Variants in CADM2 observed in about 807,000 individuals in gnomAD.
CADM2 encodes the protein immunoglobulin superfamily member 4D.
A neutral mutation model predicts 49.8 loss-of-function variants in CADM2; 12 were observed. The ratio of observed to expected loss-of-function variants is 0.24; its 90% CI spans 0.15 to 0.39. The LOEUF is 0.39. Among genes scored for constraint, CADM2 ranks in the 10% least tolerant of loss-of-function variants. The pLI, the probability that CADM2 is intolerant of heterozygous loss-of-function variation, is 1.00. For missense variants in CADM2, 378 were observed against 492.3 expected (o/e 0.77, Z 2.20); for synonymous variants, 214 against 175.4 (o/e 1.22, Z -1.74).
chr3:85,167,559 C>T (rs1206455598), intron 1 of CADM2, among the ~76,000 whole-genome samples: 3 of 151,986 alleles, frequency 2.0e-5, no homozygotes, highest in African/African-American at 7.2e-5. Context: ...AGCTGTCTTC[C>T]TTATAAACTA....
intron 1 of CADM2, among the ~76,000 whole-genome samples, chr3:85,463,095 G>A (rs1473834728): frequency 6.6e-6 from 1 of 152,070 alleles, no homozygotes; most frequent in Non-Finnish European, 1.5e-5. Context: ...CTTATACATA[G>A]CAAGTTTAAC....
intron 1 of CADM2, among the ~76,000 whole-genome samples, chr3:85,119,879 T>C (rs1233000171): frequency 6.6e-6 from 1 of 152,134 alleles, no homozygotes; most frequent in Admixed American, 6.6e-5. Context: ...GAAAAGAAAC[T>C]AGCGTCAGAG....
chr3:85,912,553 C>T lies in CADM2; in HGVS notation c.700+10C>T, dbSNP rs950153269. ...GTGCTAGAAATACACTGTAAGTAAACACTACTTCCCCCTCCTTTATCTCAG... is the reference window on the plus strand; with the variant it reads ...GTGCTAGAAATACACTGTAAGTAAATACTACTTCCCCCTCCTTTATCTCAG... On this transcript the variant is annotated intron_variant, in intron 6 of 9. Coordinates refer to ENST00000383699, the MANE Select transcript of CADM2 (RefSeq NM_001167675.2). 1 of 1,606,296 alleles carries T rather than the reference C, an allele frequency of 6.2e-7. No individual in the cohort carries two copies. Among genetic ancestry groups the T allele is most frequent in the Non-Finnish European group, 8.5e-7 (1 of 1,175,308 alleles).
rs369853924 is a variant in CADM2 at position 85,475,368 on chromosome 3, T to C, written c.62-251154T>C. Among the ~76,000 whole-genome samples, 11 of 151,944 alleles carry C rather than the reference T, an allele frequency of 7.2e-5. No homozygotes were observed. The East Asian group carries it at 7.7e-4, about 11-fold the overall frequency. Reference sequence around the variant, plus strand: ...TGTGACTTTACCAATTAGTATAATATGTTGGCTAAACTGTATGCCCAAATA... The same window carrying C: ...TGTGACTTTACCAATTAGTATAATACGTTGGCTAAACTGTATGCCCAAATA... On this transcript the variant is annotated intron_variant, in intron 1 of 9. Coordinates refer to ENST00000383699, the MANE Select transcript of CADM2 (RefSeq NM_001167675.2).
At chr3:85,454,497 C>A (rs986162242) in intron 1 of CADM2, among the ~76,000 whole-genome samples, 4 of 152,034 alleles carry the variant, frequency 2.6e-5, no homozygotes, top group African/African-American at 9.7e-5. Context: ...AAGCTATTAC[C>A]ACTCCTAGGC....
intron 3 of CADM2, among the ~76,000 whole-genome samples, chr3:85,834,517 G>C (rs1442263672): frequency 6.6e-6 from 1 of 151,496 alleles, no homozygotes; most frequent in Non-Finnish European, 1.5e-5. Flanking sequence ...GACTTGTGTT[G>C]TTACAATATA....
chr3:85,080,200 A>T (rs908633229), intron 1 of CADM2, among the ~76,000 whole-genome samples: 1 of 152,008 alleles, frequency 6.6e-6, no homozygotes, highest in Non-Finnish European at 1.5e-5. Flanking sequence ...GGTCAGACCA[A>T]TCTTTACAAC....
intron 5 of CADM2, among the ~76,000 whole-genome samples, chr3:85,892,109 G>A (rs2108420116): frequency 6.6e-6 from 1 of 152,302 alleles, no homozygotes; most frequent in Non-Finnish European, 1.5e-5. Context: ...GAAGTCTGAA[G>A]ACTAGCTTAG....
intron 1 of CADM2, among the ~76,000 whole-genome samples, chr3:85,263,379 C>A (rs895517778): frequency 3.9e-5 from 6 of 152,178 alleles, no homozygotes; most frequent in African/African-American, 1.4e-4. Context: ...AAACACAAAT[C>A]AATAATAAAA....
intron 1 of CADM2, among the ~76,000 whole-genome samples, chr3:85,541,775 T>TTATATATATATATATATA (rs10576590): frequency 2.3e-5 from 2 of 88,320 alleles, no homozygotes; most frequent in African/African-American, 6.5e-5. Context: ...ATTTTATATT[T>TTATATATATATATATATA]TATATATATA....
chr3:85,388,807 T>C (rs567398332), intron 1 of CADM2, among the ~76,000 whole-genome samples: 38 of 152,072 alleles, frequency 2.5e-4, no homozygotes, highest in Non-Finnish European at 5.1e-4. Context: ...AGAAAAATCA[T>C]ATTCATCCAT....
intron 1 of CADM2, among the ~76,000 whole-genome samples, chr3:85,690,077 T>C (rs920279094): frequency 1.7e-4 from 26 of 151,998 alleles, no homozygotes; most frequent in Non-Finnish European, 2.9e-5. Context: ...TGATTAGAGG[T>C]CAGTTGTTTC....
At chr3:85,801,820 G>T (rs989540661) in intron 2 of CADM2, among the ~76,000 whole-genome samples, 1 of 152,104 alleles carries the variant, frequency 6.6e-6, no homozygotes, top group East Asian at 1.9e-4. Flanking sequence ...GACAAAAAAA[G>T]TTTCCTAGAA....
chr3:85,272,814 C>T (rs1031049634), intron 1 of CADM2, among the ~76,000 whole-genome samples: 3 of 151,224 alleles, frequency 2.0e-5, no homozygotes, highest in Non-Finnish European at 4.4e-5. Context: ...CTACTATTGT[C>T]CAGACAGGAG....
At chr3:85,756,842 T>C (rs2107884558) in intron 2 of CADM2, among the ~76,000 whole-genome samples, 1 of 152,282 alleles carries the variant, frequency 6.6e-6, no homozygotes, top group East Asian at 1.9e-4. Context: ...TTTTAAGAAA[T>C]ATTGATCGGG....
intron 8 of CADM2, among the ~76,000 whole-genome samples, chr3:86,037,978 C>T (rs182141361): frequency 2.0e-5 from 3 of 152,116 alleles, no homozygotes; most frequent in East Asian, 3.9e-4. Context: ...TAATGATCTC[C>T]CTCCATTTGC....
intron 1 of CADM2, among the ~76,000 whole-genome samples, chr3:85,632,021 C>T (rs1197068637): frequency 6.6e-6 from 1 of 152,008 alleles, no homozygotes; most frequent in Non-Finnish European, 1.5e-5. Flanking sequence ...CTCTACAATA[C>T]TTAAATGGCT....
intron 1 of CADM2, among the ~76,000 whole-genome samples, chr3:85,566,559 G>T (rs1371989608): frequency 1.3e-5 from 2 of 152,042 alleles, no homozygotes; most frequent in African/African-American, 4.8e-5. Flanking sequence ...AGCGTGTGGA[G>T]ATTCAGCATG....
intron 1 of CADM2, among the ~76,000 whole-genome samples, chr3:85,551,750 T>C (rs564451494): frequency 3.7e-4 from 56 of 152,288 alleles, no homozygotes; most frequent in Non-Finnish European, 7.2e-4. Flanking sequence ...GAAAATCTAA[T>C]GTAAACTCTG....
Sources: allele counts gnomAD v4.1 joint callset (sites outside exome capture counted in the v4.1 genomes callset), GRCh38; gene constraint gnomAD v4.1.1; transcripts MANE v1.5; gene names NCBI Gene and HGNC (gene_info 2026-07-23, HGNC 2026-07-21).